SLC33A1: variants seen among roughly 807,000 people sequenced by gnomAD.
The protein encoded by SLC33A1 is acetyl-coenzyme A transporter 1.
Under a neutral mutation model 50.0 loss-of-function variants are expected in SLC33A1, and 20 were observed. The ratio of observed to expected loss-of-function variants is 0.40; its 90% confidence interval spans 0.28 to 0.58. The LOEUF (loss-of-function observed/expected upper bound fraction) is 0.58. SLC33A1 is among the 20% of genes least tolerant of loss of function. The pLI is 0.44. For synonymous variants in SLC33A1, 265 were observed against 251.8 expected (o/e 1.05, Z -0.50); for missense variants, 476 against 657.0 (o/e 0.72, Z 3.01).
chr3:155,833,497 C>T lies in SLC33A1; in HGVS notation c.1237G>A (p.Val413Ile), dbSNP rs567516961. ...TGTAAAGCATAACTCAGCAGGACTA[C>T]GATATAGTAATATATAGGGAATCCC... ...QGGFPIYYYI[V>I]VLLSYALHQV... The change falls in exon 4 of 6, where the codon GTA becomes ATA. Residue 413 changes from valine (V) to isoleucine (I), a missense_variant. Val to Ile is a conservative substitution (Grantham distance 29). Transcript: ENST00000643144. 4.4e-6 allele frequency: 7 copies of T among 1,584,110 alleles called. No individual in the cohort carries two copies. Among genetic ancestry groups the T allele is most frequent in the African/African-American group, 2.7e-5 (2 of 74,404 alleles).
chr3:155,833,746 C>T (rs1752542824), intron 3 of SLC33A1, 111 bp downstream of exon 3: 2 of 1,017,600 alleles, frequency 2.0e-6, no homozygotes, highest in Non-Finnish European at 3.0e-6. Context: ...AAAAAAGATG[C>T]TTTTCAAATC....
intron 1 of SLC33A1, chr3:155,844,590 G>A (rs1753091848): frequency 6.8e-6 from 1 of 147,966 alleles, no homozygotes; most frequent in African/African-American, 2.5e-5. Flanking sequence ...CTCGGCCTCT[G>A]TAGTAGCTGA....
intron 1 of SLC33A1, among the ~76,000 whole-genome samples, chr3:155,851,277 T>C (rs1753389643): frequency 6.6e-6 from 1 of 152,060 alleles, no homozygotes; most frequent in Non-Finnish European, 1.5e-5. Flanking sequence ...AGGGTTGCAC[T>C]CTGTTGACCA....
intron 4 of SLC33A1, among the ~76,000 whole-genome samples, chr3:155,831,684 G>A (rs551396435): frequency 6.6e-6 from 1 of 151,968 alleles, no homozygotes; most frequent in South Asian, 2.1e-4. Context: ...ATAACATACC[G>A]ACAGAAATAC....
Position 155,821,768 on chromosome 3 carries a change from ATT to A in SLC33A1, c.*6440_*6441del, listed in dbSNP as rs574504862. On this transcript the variant is annotated 3_prime_UTR_variant, in exon 6 of 6. Transcript: ENST00000643144. ...GACGTGAGCCACTGGACCCGGCCGC[ATT>A]TTTTTTTTTTTTTTTTAATTGAGAC... 1,099 of 116,726 alleles carry A rather than the reference ATT, an allele frequency of 9.4e-3. 19 individuals carry two copies. The highest frequency in any genetic ancestry group is 0.028 in the African/African-American group (1,015 of 36,640). 7.2% of individuals were successfully genotyped at this position (116,726 alleles called of 1,614,324 possible).
chr3:155,833,425 A>C (rs754646843), intron 4 of SLC33A1, 43 bp downstream of exon 4: 1 of 936,102 alleles, frequency 1.1e-6, no homozygotes. Context: ...TCCTTATTTT[A>C]CACAGAACAG....
intron 1 of SLC33A1, among the ~76,000 whole-genome samples, chr3:155,846,497 A>C (rs1411583391): frequency 7.0e-6 from 1 of 142,172 alleles, no homozygotes; most frequent in Non-Finnish European, 1.5e-5. Context: ...CTTTTTGCCC[A>C]GGCTGGAGTG....
chr3:155,840,600 A>C (rs1752892942), intron 2 of SLC33A1, among the ~76,000 whole-genome samples: 2 of 151,742 alleles, frequency 1.3e-5, no homozygotes, highest in Non-Finnish European at 2.9e-5. Flanking sequence ...AGATCACCTG[A>C]GGTCAGGAGT....
chr3:155,834,390 A>G (rs1196481101), intron 2 of SLC33A1, among the ~76,000 whole-genome samples: 2 of 152,224 alleles, frequency 1.3e-5, no homozygotes, highest in African/African-American at 2.4e-5. Flanking sequence ...AAAGAACTTA[A>G]GCCTTTAATT....
rs1399938213 is a variant in SLC33A1 at position 155,829,811 on chromosome 3, A to AT, written c.1358dup (p.Asn453LysfsTer39). The stretch of plus-strand genomic sequence containing the variant: ...AGTTTCCTCCCAGATTGGACACGGT[A>AT]TTTAAAAGGGTCATGTATGTTCCTC... On this transcript the variant is annotated frameshift_variant, in exon 5 of 6. Coordinates refer to ENST00000643144, the MANE Select transcript of SLC33A1 (RefSeq NM_004733.4). LOFTEE classifies it high-confidence loss of function. The AT allele has an allele frequency of 6.2e-7, 1 of 1,613,728 alleles. No individual in the cohort carries two copies. The highest frequency in any genetic ancestry group is 1.7e-5 in the Admixed American group (1 of 59,988).
At chr3:155,830,530 C>T (rs905924019) in intron 4 of SLC33A1, among the ~76,000 whole-genome samples, 1 of 151,772 alleles carries the variant, frequency 6.6e-6, no homozygotes, top group Non-Finnish European at 1.5e-5. Flanking sequence ...AATAGAAGTG[C>T]ACACATTGTG....
In SLC33A1 at chr3:155,833,476, A is replaced by G; in HGVS notation, c.1258T>C (p.Leu420=). The change falls in exon 4 of 6, where the codon TTA becomes CTA. Residue 420 remains leucine (L), a synonymous_variant. Transcript: ENST00000643144. Reference sequence around the variant, plus strand: ...AACCACTGCAAGCTTACCTGATGTAAAGCATAACTCAGCAGGACTACGATA... The same window carrying G: ...AACCACTGCAAGCTTACCTGATGTAGAGCATAACTCAGCAGGACTACGATA... The part of the protein sequence containing the change: ...YYIVVLLSYA[L]HQVTVYSMYV... 1 of 1,498,240 alleles carries G rather than the reference A, an allele frequency of 6.7e-7. No homozygotes were observed. The highest frequency in any genetic ancestry group is 9.3e-7 in the Non-Finnish European group (1 of 1,074,296). 92.8% of individuals were successfully genotyped at this position (1,498,240 alleles called of 1,614,324 possible).
chr3:155,844,158 AAGAC>A (rs1386954302), intron 1 of SLC33A1, among the ~76,000 whole-genome samples: 1 of 152,112 alleles, frequency 6.6e-6, no homozygotes, highest in Non-Finnish European at 1.5e-5. Context: ...ACGAGGCAGA[AAGAC>A]AGCATTATTT....
At chr3:155,845,316 G>C (rs1237675427) in intron 1 of SLC33A1, among the ~76,000 whole-genome samples, 1 of 152,142 alleles carries the variant, frequency 6.6e-6, no homozygotes, top group Non-Finnish European at 1.5e-5. Flanking sequence ...AATGTTTGCA[G>C]ATAAGATTAT....
chr3:155,853,170 A>G, intron 1 of SLC33A1, 53 bp downstream of exon 1: 1 of 1,486,412 alleles, frequency 6.7e-7, no homozygotes. Flanking sequence ...AACGTCACAC[A>G]CTCTTTCAAA....
rs1361552308 is a variant in SLC33A1 at position 155,823,789 on chromosome 3, G to C, written c.*4421C>G. ...TGTAGTGGCGCAATCTCAACTCACT[G>C]CAAGCTCCGCCTCCCGGGCTCAAGC... On this transcript the variant is annotated 3_prime_UTR_variant, in exon 6 of 6. Transcript: ENST00000643144. The C allele has an allele frequency of 6.6e-6, 1 of 151,966 alleles. No individual in the cohort carries two copies. The highest frequency in any genetic ancestry group is 1.5e-5 in the Non-Finnish European group (1 of 68,026). The allele number at this position is 151,966 out of a possible 1,614,324, so 9.4% of individuals were successfully genotyped here.
chr3:155,835,867 T>C (rs1225244280), intron 2 of SLC33A1, among the ~76,000 whole-genome samples: 2 of 152,076 alleles, frequency 1.3e-5, no homozygotes, highest in African/African-American at 2.4e-5. Context: ...CTACTAAACT[T>C]CTGCTGTTAA....
chr3:155,839,361 G>A (rs1453205657), intron 2 of SLC33A1, among the ~76,000 whole-genome samples: 2 of 49,810 alleles, frequency 4.0e-5, no homozygotes, highest in Admixed American at 2.9e-4. Context: ...GCAACAAAGC[G>A]AGACTCTGTC....
intron 2 of SLC33A1, among the ~76,000 whole-genome samples, chr3:155,839,516 A>C (rs1303138870): frequency 6.6e-6 from 1 of 152,004 alleles, no homozygotes; most frequent in Non-Finnish European, 1.5e-5. Context: ...AGATTACGGA[A>C]AATTTAAATT....
Sources: allele counts gnomAD v4.1 joint callset (sites outside exome capture counted in the v4.1 genomes callset), GRCh38; gene constraint gnomAD v4.1.1; transcripts MANE v1.5; gene names NCBI Gene and HGNC (gene_info 2026-07-23, HGNC 2026-07-21).